CD34: variants seen among roughly 807,000 people sequenced by gnomAD.
CD34 encodes CD34 molecule, also known as hematopoietic progenitor cell antigen CD34.
Under a neutral mutation model 40.1 loss-of-function variants are expected in CD34, and 34 were observed. The ratio of observed to expected loss-of-function variants is 0.85; its 90% CI spans 0.65 to 1.13. The LOEUF is 1.13. CD34 is among the 50% of genes most tolerant of loss of function. The pLI, the probability that CD34 is intolerant of heterozygous loss-of-function variation, is 0.00. For synonymous variants in CD34, 209 were observed against 190.0 expected (o/e 1.10, Z -0.82); for missense variants, 426 against 466.9 (o/e 0.91, Z 0.81).
intron 4 of CD34, chr1:207,889,963 C>A: frequency 1.4e-6 from 2 of 1,458,364 alleles, no homozygotes; most frequent in East Asian, 2.6e-5. Flanking sequence ...ATTAATAATG[C>A]AATAATAACT....
Position 207,888,734 on chromosome 1 carries a change from G to C in CD34, c.920C>G (p.Thr307Ser). Reference protein sequence around the residue: ...SGALLAVLGITGYFLMNRRSW... With the variant: ...SGALLAVLGISGYFLMNRRSW... Reference sequence around the variant, plus strand: ...GCGGCGATTCATCAGGAAATAGCCAGTGATGCCCAAGACAGCCAGCAGGGC... The same window carrying C: ...GCGGCGATTCATCAGGAAATAGCCACTGATGCCCAAGACAGCCAGCAGGGC... The change falls in exon 7 of 8, where the codon ACT becomes AGT. Residue 307 changes from threonine (T) to serine (S), a missense_variant. Physicochemically the swap from Thr to Ser is moderately conservative, Grantham distance 58. Transcript: ENST00000310833. 1 of 1,614,252 alleles carries C rather than the reference G, an allele frequency of 6.2e-7. No individual in the cohort carries two copies. Among genetic ancestry groups the C allele is most frequent in the Non-Finnish European group, 8.5e-7 (1 of 1,180,042 alleles).
At chr1:207,905,842 C>T (rs1482364942) in intron 1 of CD34, among the ~76,000 whole-genome samples, 3 of 152,166 alleles carry the variant, frequency 2.0e-5, no homozygotes, top group Admixed American at 6.5e-5. Context: ...ATAAGGTATA[C>T]AGGAAACACA....
chr1:207,891,538 C>G (rs1032271923), intron 4 of CD34, among the ~76,000 whole-genome samples: 1 of 151,656 alleles, frequency 6.6e-6, no homozygotes, highest in Admixed American at 6.6e-5. Flanking sequence ...AGAAATTCAA[C>G]CGGGTGTGGT....
chr1:207,889,306 C>T, intron 5 of CD34, 93 bp from the exon 6 acceptor site: 14 of 1,596,228 alleles, frequency 8.8e-6, no homozygotes, highest in Non-Finnish European at 1.2e-5. Context: ...CTCTGATGGC[C>T]AGGGTGGTCC....
In CD34 at chr1:207,889,161, C is replaced by G. The variant is rs1661974782; in HGVS notation, c.807G>C (p.Lys269Asn). 1 of 1,568,410 alleles carries G rather than the reference C, an allele frequency of 6.4e-7. No individual in the cohort carries two copies. Among genetic ancestry groups the G allele is most frequent in the African/African-American group, 1.4e-5 (1 of 73,994 alleles). ...AGGCCCATCATCTCAGAGGACTTAC[C>G]TTTTTCAGGTCAGATTGGTGCTTTT... ...LMKKHQSDLK[K>N]LGILDFTEQD... is the part of the protein sequence containing the mutation. Residue 269 changes from lysine (K) to asparagine (N), a missense_variant and splice_region_variant, in exon 6 of 8, where the codon AAG becomes AAC. Lys to Asn is a moderately conservative substitution (Grantham distance 94). Transcript: ENST00000310833.
At chr1:207,900,306 C>T (rs1662247457) in intron 1 of CD34, among the ~76,000 whole-genome samples, 1 of 151,908 alleles carries the variant, frequency 6.6e-6, no homozygotes, top group African/African-American at 2.4e-5. Context: ...CTTAATATAC[C>T]ATAATCATTA....
In CD34 at chr1:207,887,153, C is replaced by T. The variant is rs1184838617; in HGVS notation, c.*585G>A. The T allele has an allele frequency of 6.5e-6, 1 of 154,080 alleles. No individual in the cohort carries two copies. The highest frequency in any genetic ancestry group is 1.4e-5 in the Non-Finnish European group (1 of 69,196). 9.5% of individuals were successfully genotyped at this position (154,080 alleles called of 1,614,324 possible). A position where few individuals can be genotyped will look rare whatever the true frequency, so the allele number is the denominator to read the frequency against. ...AATGGTAGAGGGGGCACATGGAGCT[C>T]AGTGGAACTTAGAGAACAAGGGAGG... On this transcript the variant is annotated 3_prime_UTR_variant, in exon 8 of 8. Transcript: ENST00000310833.
intron 4 of CD34, chr1:207,889,987 C>T: frequency 7.0e-7 from 1 of 1,434,084 alleles, no homozygotes; most frequent in Non-Finnish European, 9.1e-7. Flanking sequence ...AGAAAATATT[C>T]TGTTTCAAGA....
intron 2 of CD34, 134 bp downstream of exon 2, chr1:207,899,687 G>T: frequency 2.6e-6 from 2 of 773,698 alleles, no homozygotes; most frequent in Non-Finnish European, 2.1e-6. Context: ...CCCTAAGCAT[G>T]ATACTCAAGT....
intron 1 of CD34, among the ~76,000 whole-genome samples, chr1:207,903,295 T>C (rs1480896487): frequency 2.6e-5 from 4 of 152,194 alleles, no homozygotes; most frequent in Non-Finnish European, 4.4e-5. Flanking sequence ...TTTCTTTATC[T>C]GACCTTCTGA....
chr1:207,889,967 A>G lies in CD34; in HGVS notation c.598-346T>C, dbSNP rs1661998459. 5.9e-5 allele frequency: 86 copies of G among 1,458,550 alleles called. No individual in the cohort carries two copies. The South Asian group carries it at 1.2e-3, about 21-fold the overall frequency. The allele number at this position is 1,458,550 out of a possible 1,614,324, so 90.4% of individuals were successfully genotyped here. A position where few individuals can be genotyped will look rare whatever the true frequency, so the allele number is the denominator to read the frequency against. ...AAACAGAAAATATTAATAATGCAAT[A>G]ATAACTAAGAGAAAATATTCTGTTT... On this transcript the variant is annotated intron_variant, in intron 4 of 7. Coordinates refer to ENST00000310833, the MANE Select transcript of CD34 (RefSeq NM_001025109.2).
At chr1:207,905,767 C>T (rs1662368616) in intron 1 of CD34, among the ~76,000 whole-genome samples, 1 of 152,276 alleles carries the variant, frequency 6.6e-6, no homozygotes, top group South Asian at 2.1e-4. Flanking sequence ...AAAACACAGT[C>T]AACACTTTGT....
intron 1 of CD34, among the ~76,000 whole-genome samples, chr1:207,902,620 T>C (rs1207590941): frequency 6.6e-6 from 1 of 152,170 alleles, no homozygotes; most frequent in African/African-American, 2.4e-5. Context: ...AGCATACTGA[T>C]TACTGGGGAC....
chr1:207,895,934 T>C (rs903105682), intron 4 of CD34, among the ~76,000 whole-genome samples: 1 of 152,230 alleles, frequency 6.6e-6, no homozygotes, highest in African/African-American at 2.4e-5. Flanking sequence ...CATGTTTAAG[T>C]TAACTATTTT....
At chr1:207,897,089 A>G (rs1202386562) in intron 4 of CD34, among the ~76,000 whole-genome samples, 4 of 152,150 alleles carry the variant, frequency 2.6e-5, no homozygotes, top group African/African-American at 9.7e-5. Flanking sequence ...AATAAATGAA[A>G]TAATAAATGA....
rs1661799546 is a variant in CD34, at chr1:207,881,292, C to T, written c.*6446G>A. 1 of 152,152 alleles carries T rather than the reference C, an allele frequency of 6.6e-6. No homozygotes were observed. Among genetic ancestry groups the T allele is most frequent in the Non-Finnish European group, 1.5e-5 (1 of 68,032 alleles). The allele number at this position is 152,152 out of a possible 1,614,324, so 9.4% of individuals were successfully genotyped here. On this transcript the variant is annotated 3_prime_UTR_variant, in exon 8 of 8. Coordinates refer to ENST00000310833, the MANE Select transcript of CD34 (RefSeq NM_001025109.2). Reference sequence around the variant, plus strand: ...TTCCTTTTTCACATTCATTCTTTCACAAGTATACAGTGGAGTGTTTCAGAG... The same window carrying T: ...TTCCTTTTTCACATTCATTCTTTCATAAGTATACAGTGGAGTGTTTCAGAG...
At chr1:207,910,958 C>A in intron 1 of CD34, 44 bp downstream of exon 1, 1 of 1,534,704 alleles carries the variant, frequency 6.5e-7, no homozygotes, top group South Asian at 1.2e-5. Context: ...CTCCACCCTC[C>A]CCGCGGCGAA....
chr1:207,890,075 G>T (rs990899082), intron 4 of CD34: 1 of 1,266,162 alleles, frequency 7.9e-7, no homozygotes. Flanking sequence ...TACACTCAGT[G>T]GAAACCTCAG....
At position 207,886,975 on chromosome 1, in the gene CD34, T is replaced by C. The variant is rs1313662212; in HGVS notation, c.*763A>G. The C allele has an allele frequency of 6.6e-6, 1 of 152,432 alleles. No individual in the cohort carries two copies. The highest frequency in any genetic ancestry group is 1.5e-5 in the Non-Finnish European group (1 of 68,234). 9.4% of individuals were successfully genotyped at this position (152,432 alleles called of 1,614,324 possible). A position where few individuals can be genotyped will look rare whatever the true frequency, so the allele number is the denominator to read the frequency against. On this transcript the variant is annotated 3_prime_UTR_variant, in exon 8 of 8. Coordinates refer to ENST00000310833, the MANE Select transcript of CD34 (RefSeq NM_001025109.2). The stretch of plus-strand genomic sequence containing the variant: ...TGAGAGGCTCAGCTCCAAGACCTGG[T>C]CCCATGGTCCTGCCTACTTTGATCC...
Sources: gnomAD v4.1 joint callset for allele counts (sites outside exome capture counted in the v4.1 genomes callset) on GRCh38, gnomAD v4.1.1 for gene constraint, MANE v1.5 for transcripts, NCBI Gene and HGNC (gene_info 2026-07-23, HGNC 2026-07-21) for gene names.